Variants in RASEF observed in about 807,000 individuals in gnomAD.
RASEF encodes ras and EF-hand domain-containing protein.
Under a neutral mutation model 90.1 loss-of-function variants are expected in RASEF, and 68 were observed. That is an observed-to-expected ratio of 0.75 (90% CI 0.62 to 0.92). RASEF has a LOEUF of 0.92. RASEF is among the 40% of genes least tolerant of loss of function. The pLI, the probability that RASEF is intolerant of heterozygous loss-of-function variation, is 0.00. For missense variants in RASEF, 949 were observed against 937.2 expected, an observed-to-expected ratio of 1.01 and a Z score of -0.16; for synonymous variants, 331 against 345.2, an observed-to-expected ratio of 0.96 and a Z score of 0.46.
the RASEF span, among the ~76,000 whole-genome samples, chr9:83,104,406 C>T: frequency 1.3e-5 from 2 of 152,130 alleles, no homozygotes; most frequent in Non-Finnish European, 2.9e-5. Flanking sequence ...ATAATGTCTT[C>T]ATGGTTAAGA....
chr9:83,001,373 A>T (rs1829038275), intron 9 of RASEF, among the ~76,000 whole-genome samples: 1 of 152,244 alleles, frequency 6.6e-6, no homozygotes, highest in African/African-American at 2.4e-5. Context: ...AGCCATTAAA[A>T]AAATAATGTT....
the RASEF span, among the ~76,000 whole-genome samples, chr9:83,110,625 A>G: frequency 6.6e-6 from 1 of 152,156 alleles, no homozygotes; most frequent in South Asian, 2.1e-4. Flanking sequence ...GAAGAGATAG[A>G]GCCAAGGCCT....
chr9:83,112,432 C>T, the RASEF span, among the ~76,000 whole-genome samples: 3 of 152,206 alleles, frequency 2.0e-5, no homozygotes, highest in South Asian at 6.2e-4. Flanking sequence ...CGCCTGTAAT[C>T]CCAGCACTTT....
chr9:83,084,345 G>A, the RASEF span, among the ~76,000 whole-genome samples: 1,358 of 152,186 alleles, frequency 8.9e-3, 25 homozygotes, highest in African/African-American at 0.03. Context: ...TAGGCCAAGA[G>A]GCACAATCAA....
At chr9:83,057,337 T>C (rs1208113502) in intron 1 of RASEF, among the ~76,000 whole-genome samples, 1 of 152,216 alleles carries the variant, frequency 6.6e-6, no homozygotes, top group Non-Finnish European at 1.5e-5. Flanking sequence ...CGAATTCAGT[T>C]AATTCTCAGG....
At chr9:82,990,538 T>C in intron 15 of RASEF, 71 bp from the exon 16 acceptor site, 1 of 1,121,966 alleles carries the variant, frequency 8.9e-7, no homozygotes, top group Admixed American at 1.8e-5. Context: ...GCTTTTAAAA[T>C]CAGTAAAATA....
At chr9:83,008,045 G>A (rs906270801) in intron 6 of RASEF, among the ~76,000 whole-genome samples, 1 of 151,772 alleles carries the variant, frequency 6.6e-6, no homozygotes, top group Non-Finnish European at 1.5e-5. Context: ...CAAAGAACCA[G>A]GCTTGCTAAG....
At chr9:83,010,636 C>G (rs1178665413) in intron 5 of RASEF, among the ~76,000 whole-genome samples, 1 of 152,182 alleles carries the variant, frequency 6.6e-6, no homozygotes, top group Non-Finnish European at 1.5e-5. Flanking sequence ...CTTACCCTAG[C>G]AAGTAACAGC....
the RASEF span, among the ~76,000 whole-genome samples, chr9:83,091,996 T>C: frequency 7.1e-6 from 1 of 141,718 alleles, no homozygotes; most frequent in South Asian, 2.3e-4. Context: ...TTCTTTTTCT[T>C]TTATTTCTTT....
chr9:83,153,562 G>T, the RASEF span, among the ~76,000 whole-genome samples: 1 of 152,164 alleles, frequency 6.6e-6, no homozygotes, highest in Non-Finnish European at 1.5e-5. Context: ...ACCCTGAGCT[G>T]CCTTCTTTCC....
chr9:83,067,274 A>G (rs530936229), upstream of RASEF, among the ~76,000 whole-genome samples: 1 of 152,346 alleles, frequency 6.6e-6, no homozygotes, highest in East Asian at 1.9e-4. Context: ...TGAAACATAC[A>G]TACCCCTGTA....
chr9:83,215,633 T>A, the RASEF span, among the ~76,000 whole-genome samples: 1 of 152,200 alleles, frequency 6.6e-6, no homozygotes, highest in Non-Finnish European at 1.5e-5. Flanking sequence ...AGGTATGTCT[T>A]TACTAGCAGT....
chr9:83,158,609 T>TATATGTATATATGTAC, the RASEF span, among the ~76,000 whole-genome samples: 3 of 147,218 alleles, frequency 2.0e-5, no homozygotes, highest in African/African-American at 7.5e-5. Flanking sequence ...AATATATACA[T>TATATGTATATATGTAC]ATATGTATAT....
At chr9:83,192,139 C>T in the RASEF span, among the ~76,000 whole-genome samples, 1 of 152,130 alleles carries the variant, frequency 6.6e-6, no homozygotes, top group Non-Finnish European at 1.5e-5. Context: ...TTGTGGAAAG[C>T]AGTGTTGTGG....
the RASEF span, among the ~76,000 whole-genome samples, chr9:83,095,798 G>A: frequency 2.6e-5 from 4 of 152,052 alleles, no homozygotes; most frequent in South Asian, 8.3e-4. Flanking sequence ...TAGACTCACA[G>A]GTGCCCATAA....
chr9:83,062,630 G>A lies in RASEF; in HGVS notation c.238C>T (p.Arg80Cys), dbSNP rs751458151. The change falls in exon 1 of 17, where the codon CGC becomes TGC. Residue 80 changes from arginine (R) to cysteine (C), a missense_variant. This residue lies in a region of RASEF where 656 missense variants were observed against 592.2 expected (regional missense o/e 1.11). Coordinates refer to ENST00000376447, the MANE Select transcript of RASEF (RefSeq NM_152573.4). ...GGATCCAGAGGACCCCAGTCCCGGC[G>A]CCGCCCCCCGCGGAGGGACCCGAGG... ...GFLGSLRGGR[R>C]RDWGPLDPAP... The A allele has an allele frequency of 1.3e-6, 2 of 1,552,294 alleles. No homozygotes were observed. The highest frequency in any genetic ancestry group is 1.4e-5 in the African/African-American group (1 of 73,396).
chr9:83,077,452 A>G, the RASEF span, among the ~76,000 whole-genome samples: 4 of 152,312 alleles, frequency 2.6e-5, no homozygotes, highest in Non-Finnish European at 4.4e-5. Flanking sequence ...TTGACCCTCA[A>G]ACTTACCTTA....
the RASEF span, among the ~76,000 whole-genome samples, chr9:83,144,972 G>C: frequency 6.6e-6 from 1 of 152,170 alleles, no homozygotes; most frequent in South Asian, 2.1e-4. Flanking sequence ...TTAATATCAT[G>C]GATTTTTATT....
the RASEF span, among the ~76,000 whole-genome samples, chr9:83,150,118 C>G: frequency 6.6e-6 from 1 of 152,210 alleles, no homozygotes; most frequent in Admixed American, 6.5e-5. Flanking sequence ...GCACTGTACT[C>G]ACTATTCCAG....
Sources: gnomAD v4.1 joint callset for allele counts (sites outside exome capture counted in the v4.1 genomes callset) on GRCh38, gnomAD v4.1.1 for gene constraint, gnomAD v4.1.1 regional missense constraint, MANE v1.5 for transcripts, NCBI Gene and HGNC (gene_info 2026-07-23, HGNC 2026-07-21) for gene names.